The following USP13 variants were observed in gnomAD, a reference collection of about 807,000 sequenced individuals.
The protein encoded by USP13 is ubiquitin specific peptidase 13, also known as ubiquitin carboxyl-terminal hydrolase 13.
USP13 carries 68 observed loss-of-function variants against 107.8 expected under a neutral mutation model. The observed-to-expected ratio is 0.63, with a 90% CI of 0.52 to 0.77. USP13 has a LOEUF of 0.77. Ranked by LOEUF, USP13 falls within the 30% of genes least tolerant of loss-of-function variation. The pLI is 0.00. For missense variants in USP13, 945 were observed against 1,093.3 expected, an observed-to-expected ratio of 0.86 and a Z score of 1.91; for synonymous variants, 377 against 389.5, an observed-to-expected ratio of 0.97 and a Z score of 0.38.
intron 12 of USP13, among the ~76,000 whole-genome samples, chr3:179,743,403 G>GA (rs981448019): frequency 1.4e-4 from 21 of 148,638 alleles, no homozygotes; most frequent in African/African-American, 4.2e-4. Context: ...TGAGAATAAA[G>GA]AAAAAAAAAT....
At chr3:179,725,089 G>A (rs1713464520) in intron 8 of USP13, among the ~76,000 whole-genome samples, 1 of 152,146 alleles carries the variant, frequency 6.6e-6, no homozygotes, top group Admixed American at 6.5e-5. Context: ...GTGCGTGCCT[G>A]TGACACCAGA....
intron 3 of USP13, among the ~76,000 whole-genome samples, chr3:179,694,733 G>A (rs534026973): frequency 6.6e-6 from 1 of 150,674 alleles, no homozygotes; most frequent in Non-Finnish European, 1.5e-5. Flanking sequence ...CCTGGGAGGC[G>A]GAGGTTGCAG....
intron 1 of USP13, among the ~76,000 whole-genome samples, chr3:179,676,257 C>T (rs1047405574): frequency 5.3e-5 from 8 of 152,266 alleles, no homozygotes; most frequent in African/African-American, 1.2e-4. Flanking sequence ...TACCCAGTCT[C>T]GGGTGTTTCA....
intron 19 of USP13, among the ~76,000 whole-genome samples, chr3:179,776,515 T>C (rs1365477572): frequency 6.6e-6 from 1 of 152,174 alleles, no homozygotes; most frequent in Non-Finnish European, 1.5e-5. Context: ...AAAATCTTCT[T>C]CTTAGCAAGG....
At position 179,787,198 on chromosome 3, in the gene USP13, G is replaced by C. The variant is rs1715936045; in HGVS notation, c.*3057G>C. On this transcript the variant is annotated 3_prime_UTR_variant, in exon 21 of 21. Coordinates refer to ENST00000263966, the MANE Select transcript of USP13 (RefSeq NM_003940.3). Reference sequence around the variant, plus strand: ...CTTTGGGCTATAGGAAGTCCAGCGGGGATAGCTCGAGCCTCTTGCTCCCTG... The same window carrying C: ...CTTTGGGCTATAGGAAGTCCAGCGGCGATAGCTCGAGCCTCTTGCTCCCTG... 6.6e-6 allele frequency: 1 copy of C among 152,158 alleles called. No homozygotes were observed. The highest frequency in any genetic ancestry group is 1.5e-5 in the Non-Finnish European group (1 of 68,046). 9.4% of individuals were successfully genotyped at this position (152,158 alleles called of 1,614,324 possible).
intron 1 of USP13, among the ~76,000 whole-genome samples, chr3:179,680,897 A>G (rs978384309): frequency 8.7e-6 from 1 of 114,428 alleles, no homozygotes; most frequent in African/African-American, 3.3e-5. Flanking sequence ...CACCAAAAGA[A>G]GGGAATAATA....
chr3:179,778,192 C>T (rs983330229), intron 19 of USP13, among the ~76,000 whole-genome samples: 3 of 151,964 alleles, frequency 2.0e-5, no homozygotes, highest in South Asian at 2.1e-4. Flanking sequence ...ATTATTTCAC[C>T]AGTTTATACC....
chr3:179,699,791 T>A (rs965478363), intron 3 of USP13, among the ~76,000 whole-genome samples: 5 of 138,154 alleles, frequency 3.6e-5, no homozygotes, highest in African/African-American at 5.4e-5. Flanking sequence ...TTATTTATTT[T>A]TACTACAAAC....
Position 179,653,148 on chromosome 3 carries a change from C to T in USP13, c.-78C>T. 9.6e-7 allele frequency: 1 copy of T among 1,039,060 alleles called. No individual in the cohort carries two copies. 64.4% of individuals were successfully genotyped at this position (1,039,060 alleles called of 1,614,324 possible). A position where few individuals can be genotyped will look rare whatever the true frequency, so the allele number is the denominator to read the frequency against. On this transcript the variant is annotated 5_prime_UTR_variant, in exon 1 of 21. Coordinates refer to ENST00000263966, the MANE Select transcript of USP13 (RefSeq NM_003940.3). This position sits in a 1 kb window ranked among gnomAD's most constrained non-coding sequence, Gnocchi z 4.0. ...CGCGCAGCCCGCCCGTCAGCCCGCTCGCTGGCGCCGCCGCCGCCGGCAGAC... is the reference window on the plus strand; with the variant it reads ...CGCGCAGCCCGCCCGTCAGCCCGCTTGCTGGCGCCGCCGCCGCCGGCAGAC...
intron 10 of USP13, among the ~76,000 whole-genome samples, chr3:179,737,003 A>T (rs925736116): frequency 2.6e-5 from 4 of 152,218 alleles, no homozygotes; most frequent in Non-Finnish European, 5.9e-5. Flanking sequence ...ATGCCAAGGG[A>T]TTTATTCCAA....
chr3:179,717,884 C>T (rs1368473520), intron 6 of USP13, among the ~76,000 whole-genome samples: 1 of 152,058 alleles, frequency 6.6e-6, no homozygotes, highest in Non-Finnish European at 1.5e-5. Flanking sequence ...GGGTTGCTAT[C>T]CACAGTTATC....
At chr3:179,684,907 A>G (rs1372389761) in intron 2 of USP13, among the ~76,000 whole-genome samples, 1 of 151,632 alleles carries the variant, frequency 6.6e-6, no homozygotes, top group Non-Finnish European at 1.5e-5. Context: ...AAAAAATCCT[A>G]TTGGGATTTT....
intron 19 of USP13, among the ~76,000 whole-genome samples, chr3:179,772,008 A>C (rs1715356128): frequency 6.6e-6 from 1 of 152,186 alleles, no homozygotes; most frequent in Admixed American, 6.5e-5. Flanking sequence ...TCTGATGAGG[A>C]AGTGGTGACA....
At chr3:179,663,123 A>G (rs1720499745) in intron 1 of USP13, among the ~76,000 whole-genome samples, 1 of 152,182 alleles carries the variant, frequency 6.6e-6, no homozygotes, top group African/African-American at 2.4e-5. Flanking sequence ...GAAACTCTGT[A>G]CCCTTTAAAC....
rs1025071292 is a variant in USP13, at chr3:179,744,225, T to G, written c.1535-818T>G. ...TGCAGTCCTGTAGTTATCCTCCTCC[T>G]TGGCCTCACAGGGACCCATGTGGGA... On this transcript the variant is annotated intron_variant, in intron 12 of 20. Transcript: ENST00000263966. Among the ~76,000 whole-genome samples the G allele has an allele frequency of 1.1e-4, 16 of 152,328 alleles. No homozygotes were observed. In the East Asian group the frequency reaches 2.9e-3, roughly 28 times the overall value.
chr3:179,707,720 A>G (rs1217302486), intron 5 of USP13, among the ~76,000 whole-genome samples: 1 of 152,178 alleles, frequency 6.6e-6, no homozygotes, highest in Admixed American at 6.5e-5. Context: ...TTTGGGCTCC[A>G]TTCATATCTC....
At chr3:179,668,396 C>A (rs17746843) in intron 1 of USP13, among the ~76,000 whole-genome samples, 2,148 of 152,282 alleles carry the variant, frequency 0.014, 17 homozygotes, top group Non-Finnish European at 0.021. Flanking sequence ...GGATTACATG[C>A]GTTTGTTCTT....
chr3:179,745,242 A>C (rs749806631), intron 13 of USP13, 25 bp downstream of exon 13: 1 of 955,012 alleles, frequency 1.0e-6, no homozygotes, highest in East Asian at 4.5e-5. Context: ...ATGTGGTGGC[A>C]GTGGGGTGAG....
intron 3 of USP13, among the ~76,000 whole-genome samples, chr3:179,694,852 G>GGAC (rs1712237672): frequency 6.7e-6 from 1 of 149,532 alleles, no homozygotes; most frequent in Non-Finnish European, 1.5e-5. Flanking sequence ...GAAAGAGGAA[G>GGAC]GACAAAATAG....
Sources: gnomAD v4.1 joint callset for allele counts (sites outside exome capture counted in the v4.1 genomes callset) on GRCh38, gnomAD v4.1.1 for gene constraint, Gnocchi (gnomAD v3.1) non-coding constraint, MANE v1.5 for transcripts, NCBI Gene and HGNC (gene_info 2026-07-23, HGNC 2026-07-21) for gene names.